KCNQ1: variants seen among roughly 807,000 people sequenced by gnomAD.
KCNQ1 encodes the protein potassium voltage-gated channel subfamily KQT member 1.
A neutral mutation model predicts 72.4 loss-of-function variants in KCNQ1; 49 were observed. The observed-to-expected ratio is 0.68, with a 90% confidence interval of 0.54 to 0.86. KCNQ1 has a LOEUF of 0.86. KCNQ1 is among the 40% of genes least tolerant of loss of function. The pLI, the probability that KCNQ1 is intolerant of heterozygous loss-of-function variation, is 0.00. For synonymous variants in KCNQ1, 450 were observed against 412.6 expected, an observed-to-expected ratio of 1.09 and a Z score of -1.10; for missense variants, 790 against 945.1, an observed-to-expected ratio of 0.84 and a Z score of 2.15.
At chr11:2,648,363 G>C (rs1353457326) in intron 10 of KCNQ1, 2 of 398,166 alleles carry the variant, frequency 5.0e-6, no homozygotes, top group Non-Finnish European at 8.8e-6. Context: ...CGTTTATTAG[G>C]TTATTTGTTT....
In KCNQ1 at chr11:2,587,553, C is replaced by A. The variant is rs374941727; in HGVS notation, c.1129-17C>A. On this transcript the variant is annotated splice_polypyrimidine_tract_variant and intron_variant, in intron 8 of 15. Transcript: ENST00000155840. ...GTGGCTCAGCAGGTGACAGCCTGTC[C>A]CCCTGCCCGACCTCAGACCGCATGG... The A allele has an allele frequency of 2.5e-6, 4 of 1,613,506 alleles. No individual in the cohort carries two copies. Among genetic ancestry groups the A allele is most frequent in the African/African-American group, 2.7e-5 (2 of 75,042 alleles).
chr11:2,679,449 A>C lies in KCNQ1; in HGVS notation c.1514+17368A>C, dbSNP rs1408547749. 1 of 398,494 alleles carries C rather than the reference A, an allele frequency of 2.5e-6. No individual in the cohort carries two copies. Among genetic ancestry groups the C allele is most frequent in the Non-Finnish European group, 4.4e-6 (1 of 226,060 alleles). 24.7% of individuals were successfully genotyped at this position (398,494 alleles called of 1,614,324 possible). A position where few individuals can be genotyped will look rare whatever the true frequency, so the allele number is the denominator to read the frequency against. Reference sequence around the variant, plus strand: ...AGAGGGTTGTTAGGAGGATTACACAAATTAATAATATAAAGTATGCAGAAA... The same window carrying C: ...AGAGGGTTGTTAGGAGGATTACACACATTAATAATATAAAGTATGCAGAAA... On this transcript the variant is annotated intron_variant, in intron 11 of 15. Coordinates refer to ENST00000155840, the MANE Select transcript of KCNQ1 (RefSeq NM_000218.3). The surrounding 1 kb of genome is among the most constrained non-coding windows in gnomAD (Gnocchi z 4.8).
At chr11:2,747,541 C>T (rs891710994) in intron 11 of KCNQ1, among the ~76,000 whole-genome samples, 8 of 152,214 alleles carry the variant, frequency 5.3e-5, no homozygotes, top group Non-Finnish European at 4.4e-5. Flanking sequence ...TAGGCATCCA[C>T]CGTGTGCCAG....
At chr11:2,763,614 A>G (rs547164135) in intron 11 of KCNQ1, among the ~76,000 whole-genome samples, 1 of 152,246 alleles carries the variant, frequency 6.6e-6, no homozygotes, top group African/African-American at 2.4e-5. Flanking sequence ...GGGTCTCTGC[A>G]TTCCAGGCTC....
In KCNQ1 at chr11:2,693,663, G is replaced by A. The variant is rs765539603; in HGVS notation, c.1514+31582G>A. On this transcript the variant is annotated intron_variant, in intron 11 of 15. Transcript: ENST00000155840. ...CTCTGGGAGAAAGGCTTTTAGTTCC[G>A]CAGACAGAGCAGCCAGAGACTGGGT... The A allele has an allele frequency of 4.3e-5, 17 of 398,520 alleles. No individual in the cohort carries two copies. The South Asian group carries it at 5.1e-4, about 12-fold the overall frequency. The allele number at this position is 398,520 out of a possible 1,614,324, so 24.7% of individuals were successfully genotyped here.
Position 2,678,931 on chromosome 11 carries a change from A to G in KCNQ1, c.1514+16850A>G, listed in dbSNP as rs7941377. ...ATCATACTTTCAGGGCATCTTGGAAAAACTGAATTTGCTAACTCAATAGAG... is the reference window on the plus strand; with the variant it reads ...ATCATACTTTCAGGGCATCTTGGAAGAACTGAATTTGCTAACTCAATAGAG... On this transcript the variant is annotated intron_variant, in intron 11 of 15. Transcript: ENST00000155840. This position sits in a 1 kb window ranked among gnomAD's most constrained non-coding sequence, Gnocchi z 4.9. The G allele has an allele frequency of 0.066, 26,126 of 398,536 alleles. 1,106 individuals are homozygous for G. Among genetic ancestry groups the G allele is most frequent in the African/African-American group, 0.13 (6,201 of 48,678 alleles). 24.7% of individuals were successfully genotyped at this position (398,536 alleles called of 1,614,324 possible). A position where few individuals can be genotyped will look rare whatever the true frequency, so the allele number is the denominator to read the frequency against.
intron 6 of KCNQ1, among the ~76,000 whole-genome samples, chr11:2,581,301 A>G (rs1378395722): frequency 6.6e-6 from 1 of 152,214 alleles, no homozygotes; most frequent in Non-Finnish European, 1.5e-5. Flanking sequence ...AGAGCTCACC[A>G]GGTGGAAGTC....
chr11:2,648,975 CTTTT>C lies in KCNQ1; in HGVS notation c.1394-12984_1394-12981del, dbSNP rs1849710100. On this transcript the variant is annotated intron_variant, in intron 10 of 15. Coordinates refer to ENST00000155840, the MANE Select transcript of KCNQ1 (RefSeq NM_000218.3). ...TAATGACCTCCTTTGTCTCTTTTTT[CTTTT>C]TCTTTTTTTTTTTTTTTTTTTTTTT... The C allele has an allele frequency of 1.0e-4, 34 of 337,226 alleles. No individual in the cohort carries two copies. The South Asian group carries it at 4.3e-3, about 42-fold the overall frequency. The allele number at this position is 337,226 out of a possible 1,614,324, so 20.9% of individuals were successfully genotyped here.
At chr11:2,736,661 C>T (rs1845962030) in intron 11 of KCNQ1, among the ~76,000 whole-genome samples, 1 of 152,200 alleles carries the variant, frequency 6.6e-6, no homozygotes, top group African/African-American at 2.4e-5. Flanking sequence ...CTAGCCCCTT[C>T]CAGGTGTCCC....
In KCNQ1 at chr11:2,526,695, A is replaced by G. The variant is rs1362002894; in HGVS notation, c.387-1233A>G. Among the ~76,000 whole-genome samples, 2 of 151,916 alleles carry G rather than the reference A, an allele frequency of 1.3e-5. No individual in the cohort carries two copies. The highest frequency in any genetic ancestry group is 2.1e-4 in the South Asian group (1 of 4,798). The stretch of plus-strand genomic sequence containing the variant: ...CTGGGGAGGGTGGGCTGGGCTGTCC[A>G]CATCTGGACAGGTGGAAGAGGATGG... On this transcript the variant is annotated intron_variant, in intron 1 of 15. Transcript: ENST00000155840. The surrounding 1 kb of genome is among the most constrained non-coding windows in gnomAD (Gnocchi z 6.1).
Position 2,824,928 on chromosome 11 carries a change from G to A in KCNQ1, c.1795-22839G>A, listed in dbSNP as rs1296720971. ...GAGCAGGTTCCCAGTGAGTTCTGGGGCCTCAGTGACTGGGCAAGGACAGGG... is the reference window on the plus strand; with the variant it reads ...GAGCAGGTTCCCAGTGAGTTCTGGGACCTCAGTGACTGGGCAAGGACAGGG... On this transcript the variant is annotated intron_variant, in intron 15 of 15. Transcript: ENST00000155840. The surrounding 1 kb of genome is among the most constrained non-coding windows in gnomAD (Gnocchi z 5.9). Among the ~76,000 whole-genome samples the A allele has an allele frequency of 1.3e-5, 2 of 152,232 alleles. No individual in the cohort carries two copies. The highest frequency in any genetic ancestry group is 3.9e-4 in the East Asian group (2 of 5,190).
intron 11 of KCNQ1, chr11:2,662,941 G>A (rs886304070): frequency 1.6e-4 from 62 of 398,654 alleles, no homozygotes; most frequent in African/African-American, 9.8e-4. Flanking sequence ...TGTCTTTGTC[G>A]TAGTGAGGCC....
intron 10 of KCNQ1, chr11:2,610,529 C>T: frequency 2.5e-6 from 1 of 398,290 alleles, no homozygotes; most frequent in South Asian, 1.3e-4. Flanking sequence ...TATTTACCTC[C>T]TTGCTCTTTG....
In KCNQ1 at chr11:2,538,713, G is replaced by A. The variant is rs1696971540; in HGVS notation, c.477+10695G>A. Among the ~76,000 whole-genome samples, 1 of 150,848 alleles carries A rather than the reference G, an allele frequency of 6.6e-6. No homozygotes were observed. Among genetic ancestry groups the A allele is most frequent in the South Asian group, 2.1e-4 (1 of 4,734 alleles). On this transcript the variant is annotated intron_variant, in intron 2 of 15. Coordinates refer to ENST00000155840, the MANE Select transcript of KCNQ1 (RefSeq NM_000218.3). The surrounding 1 kb of genome is among the most constrained non-coding windows in gnomAD (Gnocchi z 6.7). ...GGGGCCCTACGGTGAATCGTTTTCT[G>A]TAACAAAGGCTTCCTCTGTGCAGCC... is the stretch of plus-strand genomic sequence containing the variant.
chr11:2,505,199 T>A (rs2106844), intron 1 of KCNQ1, among the ~76,000 whole-genome samples: 92,760 of 152,018 alleles, frequency 0.61, 28,895 homozygotes, highest in Middle Eastern at 0.74. Context: ...AACTATTTAT[T>A]CTGATGCTCT....
intron 10 of KCNQ1, chr11:2,656,008 A>C: frequency 2.5e-6 from 1 of 398,556 alleles, no homozygotes; most frequent in Non-Finnish European, 4.4e-6. Context: ...AATTTCCTAA[A>C]ACACCAGGAC....
rs561716391 is a variant in KCNQ1, at chr11:2,749,884, G to A, written c.1515-18960G>A. 3.2e-3 allele frequency among the ~76,000 whole-genome samples: 483 copies of A among 151,908 alleles called. 4 individuals are homozygous for A. The highest frequency in any genetic ancestry group is 5.2e-3 in the Non-Finnish European group (355 of 67,950). ...TCCCAGCTACTCAGGAGGCTGAGGC[G>A]GGGAAACACTTGAACCCGTGAGTTG... On this transcript the variant is annotated intron_variant, in intron 11 of 15. Transcript: ENST00000155840.
chr11:2,575,601 G>A (rs533140940), intron 6 of KCNQ1, among the ~76,000 whole-genome samples: 14 of 152,358 alleles, frequency 9.2e-5, no homozygotes, highest in Admixed American at 2.6e-4. Flanking sequence ...CCTTTGTCCT[G>A]CTTCCTTCAC....
chr11:2,671,982 C>A lies in KCNQ1; in HGVS notation c.1514+9901C>A, dbSNP rs1011831600. On this transcript the variant is annotated intron_variant, in intron 11 of 15. Coordinates refer to ENST00000155840, the MANE Select transcript of KCNQ1 (RefSeq NM_000218.3). The surrounding 1 kb of genome is among the most constrained non-coding windows in gnomAD (Gnocchi z 4.7). ...AGTGGGCTAAAAAGTCAGCTAGCAC[C>A]CCTGACTTCAAGTCCTCGAGTGTAT... 1.5e-5 allele frequency: 6 copies of A among 398,414 alleles called. No homozygotes were observed. Among genetic ancestry groups the A allele is most frequent in the Non-Finnish European group, 2.7e-5 (6 of 226,084 alleles). 24.7% of individuals were successfully genotyped at this position (398,414 alleles called of 1,614,324 possible).
Sources: allele counts gnomAD v4.1 joint callset (sites outside exome capture counted in the v4.1 genomes callset), GRCh38; gene constraint gnomAD v4.1.1; non-coding constraint Gnocchi (gnomAD v3.1); transcripts MANE v1.5; gene names NCBI Gene and HGNC (gene_info 2026-07-23, HGNC 2026-07-21).